The following LRRTM4 variants were observed in gnomAD, a reference collection of about 807,000 sequenced individuals.
LRRTM4 encodes leucine-rich repeat transmembrane neuronal protein 4.
A neutral mutation model predicts 47.6 loss-of-function variants in LRRTM4; 25 were observed. The observed-to-expected ratio is 0.53, with a 90% confidence interval of 0.38 to 0.73. The LOEUF is 0.73. Ranked by LOEUF, LRRTM4 falls within the 30% of genes least tolerant of loss-of-function variation. The pLI is 0.00. For missense variants in LRRTM4, 638 were observed against 713.4 expected (o/e 0.89, Z 1.20); for synonymous variants, 311 against 269.5 (o/e 1.15, Z -1.51).
intron 3 of LRRTM4, among the ~76,000 whole-genome samples, chr2:76,963,292 G>C (rs2103918219): frequency 6.6e-6 from 1 of 150,858 alleles, no homozygotes; most frequent in East Asian, 2.0e-4. Flanking sequence ...CCTAAATACT[G>C]TATTCTTAAG....
intron 3 of LRRTM4, among the ~76,000 whole-genome samples, chr2:77,080,934 C>T (rs576312976): frequency 4.9e-4 from 74 of 152,276 alleles, no homozygotes; most frequent in African/African-American, 1.7e-3. Context: ...GGCTTTTGTG[C>T]TTGCTCTTTA....
At chr2:77,077,997 T>C (rs7599837) in intron 3 of LRRTM4, among the ~76,000 whole-genome samples, 61,094 of 151,748 alleles carry the variant, frequency 0.4, 14,275 homozygotes, top group East Asian at 0.68. Context: ...ATCAGGTGTT[T>C]GAATCCCAGT....
In LRRTM4 at chr2:77,172,588, G is replaced by A. The variant is rs553857343; in HGVS notation, c.1551+345730C>T. Reference sequence around the variant, plus strand: ...AGCCAGGGTGACAGAGTGAGACTTCGTCTCAAAAACATAAAAAAAAAAATA... The same window carrying A: ...AGCCAGGGTGACAGAGTGAGACTTCATCTCAAAAACATAAAAAAAAAAATA... On this transcript the variant is annotated intron_variant, in intron 3 of 3. Transcript: ENST00000409884. Among the ~76,000 whole-genome samples, 7 of 151,796 alleles carry A rather than the reference G, an allele frequency of 4.6e-5. No homozygotes were observed. The South Asian group carries it at 8.3e-4, about 18-fold the overall frequency.
At chr2:77,216,190 C>T (rs1674434512) in intron 3 of LRRTM4, among the ~76,000 whole-genome samples, 1 of 152,114 alleles carries the variant, frequency 6.6e-6, no homozygotes, top group South Asian at 2.1e-4. Flanking sequence ...TCTGGACAGT[C>T]AGGTGAAATA....
chr2:77,431,137 C>T (rs1255461835), intron 3 of LRRTM4, among the ~76,000 whole-genome samples: 2 of 149,070 alleles, frequency 1.3e-5, no homozygotes, highest in Non-Finnish European at 2.9e-5. Flanking sequence ...ACTTCTCAGC[C>T]TCCATGACCG....
At chr2:77,146,839 G>T (rs1361271979) in intron 3 of LRRTM4, among the ~76,000 whole-genome samples, 1 of 151,974 alleles carries the variant, frequency 6.6e-6, no homozygotes, top group Non-Finnish European at 1.5e-5. Context: ...GAAGAATTAA[G>T]GATCTCTTCT....
intron 3 of LRRTM4, among the ~76,000 whole-genome samples, chr2:77,313,785 C>A (rs1044739836): frequency 6.6e-6 from 1 of 152,074 alleles, no homozygotes; most frequent in Non-Finnish European, 1.5e-5. Context: ...TCCCTGAAGA[C>A]AAAGTTATTC....
rs564966799 is a variant in LRRTM4, at chr2:77,273,589, A to T, written c.1551+244729T>A. ...TAATAAGACAAACAGGAATTTCAGA[A>T]GTTTCTGGGAATCAGATGTCAGGTT... On this transcript the variant is annotated intron_variant, in intron 3 of 3. Transcript: ENST00000409884. Among the ~76,000 whole-genome samples, 6 of 152,280 alleles carry T rather than the reference A, an allele frequency of 3.9e-5. No individual in the cohort carries two copies. The South Asian group carries it at 6.2e-4, about 16-fold the overall frequency.
At chr2:76,956,519 CAAAT>C (rs930382520) in intron 3 of LRRTM4, among the ~76,000 whole-genome samples, 1 of 150,868 alleles carries the variant, frequency 6.6e-6, no homozygotes, top group African/African-American at 2.4e-5. Context: ...AGAAAAATCT[CAAAT>C]AAACTATCTA....
intron 3 of LRRTM4, among the ~76,000 whole-genome samples, chr2:76,859,391 A>G (rs1394318434): frequency 1.3e-4 from 20 of 152,176 alleles, no homozygotes; most frequent in Non-Finnish European, 1.5e-5. Flanking sequence ...ACATTGGATA[A>G]TGCCCAGATG....
intron 3 of LRRTM4, among the ~76,000 whole-genome samples, chr2:77,023,555 G>A (rs1302919882): frequency 6.6e-6 from 1 of 152,110 alleles, no homozygotes; most frequent in Admixed American, 6.5e-5. Flanking sequence ...TGAATGCTTT[G>A]CTGCTTAGAA....
intron 3 of LRRTM4, among the ~76,000 whole-genome samples, chr2:76,791,913 C>G (rs994684156): frequency 2.0e-5 from 3 of 152,078 alleles, no homozygotes; most frequent in African/African-American, 7.2e-5. Context: ...AAATGAAAAA[C>G]CAGACAAAAA....
chr2:76,795,882 T>A (rs1462443397), intron 3 of LRRTM4, among the ~76,000 whole-genome samples: 1 of 151,874 alleles, frequency 6.6e-6, no homozygotes, highest in Non-Finnish European at 1.5e-5. Context: ...GACGGGTGAT[T>A]TCTGCATTTC....
At chr2:77,069,831 T>G (rs1328164963) in intron 3 of LRRTM4, among the ~76,000 whole-genome samples, 1 of 152,210 alleles carries the variant, frequency 6.6e-6, no homozygotes, top group Non-Finnish European at 1.5e-5. Flanking sequence ...TTCTTTAGCT[T>G]TATCATTTTC....
chr2:77,348,799 T>TAC (rs1394036956), intron 3 of LRRTM4, among the ~76,000 whole-genome samples: 2 of 150,786 alleles, frequency 1.3e-5, no homozygotes, highest in Admixed American at 6.6e-5. Context: ...AAAATATATA[T>TAC]ATATTCAAGC....
chr2:76,780,632 G>T lies in LRRTM4; in HGVS notation c.1552-31716C>A, dbSNP rs369126538. On this transcript the variant is annotated intron_variant, in intron 3 of 3. Transcript: ENST00000409884. ...CATCACCTCCTTTAAGCACTTCTCTGTATTGGTTATTCTAGTAATACATTC... is the reference window on the plus strand; with the variant it reads ...CATCACCTCCTTTAAGCACTTCTCTTTATTGGTTATTCTAGTAATACATTC... Among the ~76,000 whole-genome samples the T allele has an allele frequency of 2.6e-5, 4 of 151,986 alleles. No homozygotes were observed. In the South Asian group the frequency reaches 6.2e-4, roughly 24 times the overall value.
chr2:77,071,538 A>G (rs1680155425), intron 3 of LRRTM4, among the ~76,000 whole-genome samples: 1 of 152,196 alleles, frequency 6.6e-6, no homozygotes. Context: ...CTTCTAAAGG[A>G]AGACTAACAA....
In LRRTM4 at chr2:77,103,039, C is replaced by A. The variant is rs540099044; in HGVS notation, c.1552-354123G>T. 2.0e-5 allele frequency among the ~76,000 whole-genome samples: 3 copies of A among 152,168 alleles called. No individual in the cohort carries two copies. The South Asian group carries it at 6.2e-4, about 32-fold the overall frequency. ...ACACGAGATTGAAGGGCAAATATGACCCCATTTATATTGAACAAAGTTGGG... is the reference window on the plus strand; with the variant it reads ...ACACGAGATTGAAGGGCAAATATGAACCCATTTATATTGAACAAAGTTGGG... On this transcript the variant is annotated intron_variant, in intron 3 of 3. Transcript: ENST00000409884.
At chr2:77,056,306 A>G (rs1391870731) in intron 3 of LRRTM4, among the ~76,000 whole-genome samples, 3 of 152,196 alleles carry the variant, frequency 2.0e-5, no homozygotes, top group Admixed American at 6.5e-5. Context: ...TGCTTCAAGA[A>G]TAAGATTTTA....
Sources: gnomAD v4.1 joint callset for allele counts (sites outside exome capture counted in the v4.1 genomes callset) on GRCh38, gnomAD v4.1.1 for gene constraint, MANE v1.5 for transcripts, NCBI Gene and HGNC (gene_info 2026-07-23, HGNC 2026-07-21) for gene names.